The following CSNK1G2 variants were observed in gnomAD, a reference collection of about 807,000 sequenced individuals.
The protein encoded by CSNK1G2 is casein kinase I isoform gamma-2.
Under a neutral mutation model 48.0 loss-of-function variants are expected in CSNK1G2, and 11 were observed. The observed-to-expected ratio is 0.23, with a 90% confidence interval of 0.14 to 0.38. The LOEUF (loss-of-function observed/expected upper bound fraction) is 0.38. Among genes scored for constraint, CSNK1G2 ranks in the 10% least tolerant of loss-of-function variants. The pLI is 1.00. For synonymous variants in CSNK1G2, 337 were observed against 254.1 expected (o/e 1.33, Z -3.10); for missense variants, 446 against 595.5 (o/e 0.75, Z 2.61).
chr19:1,979,438 C>G (rs1294647746), intron 8 of CSNK1G2, 35 bp downstream of exon 8: 2 of 1,295,424 alleles, frequency 1.5e-6, no homozygotes, highest in East Asian at 2.7e-5. Context: ...CTGTGCCCCC[C>G]ACCCCCCACC....
chr19:1,969,667 C>G lies in CSNK1G2; in HGVS notation c.-106C>G, dbSNP rs377045404. 1 of 1,031,138 alleles carries G rather than the reference C, an allele frequency of 9.7e-7. No homozygotes were observed. Among genetic ancestry groups the G allele is most frequent in the Admixed American group, 4.3e-5 (1 of 23,446 alleles). 63.9% of individuals were successfully genotyped at this position (1,031,138 alleles called of 1,614,324 possible). ...CACGGGCCCACGCCCGCCCACCGGCCGCAGTGATGTTCTAGCCACAGAGGA... is the reference window on the plus strand; with the variant it reads ...CACGGGCCCACGCCCGCCCACCGGCGGCAGTGATGTTCTAGCCACAGAGGA... On this transcript the variant is annotated 5_prime_UTR_variant, in exon 2 of 12. Coordinates refer to ENST00000255641, the MANE Select transcript of CSNK1G2 (RefSeq NM_001319.7).
chr19:1,954,492 G>A (rs1271953031), intron 1 of CSNK1G2: 1 of 154,524 alleles, frequency 6.5e-6, no homozygotes, highest in Non-Finnish European at 1.4e-5. Flanking sequence ...GTGCCTCTGA[G>A]GGCACTGGGA....
chr19:1,974,298 A>C (rs1042207146), intron 2 of CSNK1G2, among the ~76,000 whole-genome samples: 1 of 152,138 alleles, frequency 6.6e-6, no homozygotes, highest in African/African-American at 2.4e-5. Flanking sequence ...TGTCATGGCA[A>C]GAAGGCATGG....
intron 2 of CSNK1G2, chr19:1,975,558 C>G: frequency 1.0e-6 from 1 of 985,406 alleles, no homozygotes; most frequent in South Asian, 4.7e-5. Flanking sequence ...CACGACACGG[C>G]GAGGAGCCCA....
At chr19:1,944,736 C>G (rs2014492882) in intron 1 of CSNK1G2, among the ~76,000 whole-genome samples, 1 of 151,966 alleles carries the variant, frequency 6.6e-6, no homozygotes, top group African/African-American at 2.4e-5. Flanking sequence ...AGCGAGGGCT[C>G]AAAGTGAGGG....
rs2014352746 is a variant in CSNK1G2 at position 1,941,408 on chromosome 19, G to T, written c.-276G>T. 1 of 148,996 alleles carries T rather than the reference G, an allele frequency of 6.7e-6. No homozygotes were observed. The highest frequency in any genetic ancestry group is 1.5e-5 in the Non-Finnish European group (1 of 66,746). 9.2% of individuals were successfully genotyped at this position (148,996 alleles called of 1,614,324 possible). ...GACGCTGCCCGCGGGCCCGGCCACG[G>T]CGGAGCCAAGGTAACGACGCGCGCG... On this transcript the variant is annotated 5_prime_UTR_variant, in exon 1 of 12. Coordinates refer to ENST00000255641, the MANE Select transcript of CSNK1G2 (RefSeq NM_001319.7).
At chr19:1,954,016 C>T (rs563570117) in intron 1 of CSNK1G2, 35 of 532,750 alleles carry the variant, frequency 6.6e-5, no homozygotes, top group Admixed American at 2.3e-4. Flanking sequence ...TGCAGTGCTC[C>T]GAGGACCGGC....
chr19:1,967,157 C>T (rs977750348), intron 1 of CSNK1G2, among the ~76,000 whole-genome samples: 9 of 152,198 alleles, frequency 5.9e-5, no homozygotes, highest in Admixed American at 2.0e-4. Context: ...TGTTGCCGTG[C>T]GGAACCCAAG....
At chr19:1,960,342 G>T (rs1257655227) in intron 1 of CSNK1G2, among the ~76,000 whole-genome samples, 1 of 152,220 alleles carries the variant, frequency 6.6e-6, no homozygotes, top group Non-Finnish European at 1.5e-5. Flanking sequence ...TGGCAGGGGA[G>T]AGCTGAGGCC....
chr19:1,965,449 T>C (rs2145560233), intron 1 of CSNK1G2, among the ~76,000 whole-genome samples: 1 of 152,132 alleles, frequency 6.6e-6, no homozygotes, highest in South Asian at 2.1e-4. Context: ...AGCCTGTGGA[T>C]CAATGAATGA....
chr19:1,949,096 G>A (rs1187299927), intron 1 of CSNK1G2, among the ~76,000 whole-genome samples: 2 of 152,130 alleles, frequency 1.3e-5, no homozygotes, highest in African/African-American at 4.8e-5. Flanking sequence ...AACCTTTATT[G>A]AAAAAATCCA....
chr19:1,974,669 C>T (rs1048813492), intron 2 of CSNK1G2: 1 of 152,268 alleles, frequency 6.6e-6, no homozygotes, highest in Non-Finnish European at 1.5e-5. Flanking sequence ...GTCCCCGTGG[C>T]TCACCTTGTT....
At chr19:1,943,291 A>G (rs2014435892) in intron 1 of CSNK1G2, among the ~76,000 whole-genome samples, 1 of 151,726 alleles carries the variant, frequency 6.6e-6, no homozygotes, top group Non-Finnish European at 1.5e-5. Context: ...TCTGATTTGA[A>G]CCTGTCTAGT....
chr19:1,980,292 G>A lies in CSNK1G2; in HGVS notation c.*89G>A. 1 of 1,510,416 alleles carries A rather than the reference G, an allele frequency of 6.6e-7. No homozygotes were observed. The highest frequency in any genetic ancestry group is 1.1e-5 in the South Asian group (1 of 87,730). 93.6% of individuals were successfully genotyped at this position (1,510,416 alleles called of 1,614,324 possible). The stretch of plus-strand genomic sequence containing the variant: ...AGGCCCTCGGGGCCCACCCACAGCG[G>A]CCCAGGGCCAGACCCTGGCTGGAAG... On this transcript the variant is annotated 3_prime_UTR_variant, in exon 12 of 12. Transcript: ENST00000255641.
At chr19:1,960,505 G>GCTGCCGTGT (rs1475283844) in intron 1 of CSNK1G2, among the ~76,000 whole-genome samples, 1 of 152,192 alleles carries the variant, frequency 6.6e-6, no homozygotes, top group African/African-American at 2.4e-5. Context: ...GCTCTGACAC[G>GCTGCCGTGT]CTGCCGTGTC....
chr19:1,964,608 A>C (rs2015305817), intron 1 of CSNK1G2, among the ~76,000 whole-genome samples: 1 of 151,732 alleles, frequency 6.6e-6, no homozygotes, highest in Admixed American at 6.6e-5. Flanking sequence ...TGCTAAATCT[A>C]CTCTGTGCTC....
rs559598243 is a variant in CSNK1G2, at chr19:1,941,944, G to A, written c.-266+526G>A. On this transcript the variant is annotated intron_variant, in intron 1 of 11. Transcript: ENST00000255641. Reference sequence around the variant, plus strand: ...CGCCTCCCCGCGTTCTGGTCCCGAGGCCCCTGCCCACCTGGCCCCATCGCC... The same window carrying A: ...CGCCTCCCCGCGTTCTGGTCCCGAGACCCCTGCCCACCTGGCCCCATCGCC... Among the ~76,000 whole-genome samples, 9 of 151,914 alleles carry A rather than the reference G, an allele frequency of 5.9e-5. No individual in the cohort carries two copies. The East Asian group carries it at 1.8e-3, about 30-fold the overall frequency.
At chr19:1,956,101 G>A (rs1399648848) in intron 1 of CSNK1G2, among the ~76,000 whole-genome samples, 2 of 152,198 alleles carry the variant, frequency 1.3e-5, no homozygotes, top group African/African-American at 4.8e-5. Context: ...AGGTCATGGG[G>A]CAGGGGTGCC....
chr19:1,960,141 A>C (rs904733471), intron 1 of CSNK1G2, among the ~76,000 whole-genome samples: 4 of 152,168 alleles, frequency 2.6e-5, no homozygotes, highest in African/African-American at 9.7e-5. Flanking sequence ...CCACAGCCGA[A>C]TGTCTGCGTC....
Sources: allele counts gnomAD v4.1 joint callset (sites outside exome capture counted in the v4.1 genomes callset), GRCh38; gene constraint gnomAD v4.1.1; transcripts MANE v1.5; gene names NCBI Gene and HGNC (gene_info 2026-07-23, HGNC 2026-07-21).